The following FHIT variants were observed in gnomAD, a reference collection of about 807,000 sequenced individuals.
FHIT encodes the protein fragile histidine triad diadenosine triphosphatase, also known as bis(5'-adenosyl)-triphosphatase.
A neutral mutation model predicts 17.9 loss-of-function variants in FHIT; 19 were observed. The ratio of observed to expected loss-of-function variants is 1.06; its 90% CI spans 0.74 to 1.56. The LOEUF (loss-of-function observed/expected upper bound fraction) is 1.56. Among genes scored for constraint, FHIT ranks in the 40% most tolerant of loss-of-function variants. The pLI is 0.00. For synonymous variants in FHIT, 81 were observed against 69.7 expected, an observed-to-expected ratio of 1.16 and a Z score of -0.81; for missense variants, 248 against 189.2, an observed-to-expected ratio of 1.31 and a Z score of -1.82.
chr3:61,200,624 G>A lies in FHIT; in HGVS notation c.-171C>T, dbSNP rs1006157752. The A allele has an allele frequency of 1.3e-5, 2 of 152,666 alleles. No individual in the cohort carries two copies. The highest frequency in any genetic ancestry group is 1.5e-5 in the Non-Finnish European group (1 of 68,046). 9.5% of individuals were successfully genotyped at this position (152,666 alleles called of 1,614,324 possible). On this transcript the variant is annotated 5_prime_UTR_variant, in exon 2 of 10. Transcript: ENST00000492590. Reference sequence around the variant, plus strand: ...TGTAATAAATACACTTACCTTTACAGACTGTTCTCAGTGGATTTCTCTTCT... The same window carrying A: ...TGTAATAAATACACTTACCTTTACAAACTGTTCTCAGTGGATTTCTCTTCT...
chr3:60,090,232 C>T (rs1703672432), intron 5 of FHIT, among the ~76,000 whole-genome samples: 1 of 152,054 alleles, frequency 6.6e-6, no homozygotes. Flanking sequence ...AAAGAGACTG[C>T]ATGGTTTCCC....
At chr3:60,234,979 A>G (rs1704693004) in intron 5 of FHIT, among the ~76,000 whole-genome samples, 1 of 152,152 alleles carries the variant, frequency 6.6e-6, no homozygotes, top group Non-Finnish European at 1.5e-5. Flanking sequence ...GTACAAATTT[A>G]TCCTGGGGCT....
At chr3:60,630,879 A>C (rs372591395) in intron 4 of FHIT, among the ~76,000 whole-genome samples, 1 of 150,680 alleles carries the variant, frequency 6.6e-6, no homozygotes, top group East Asian at 2.0e-4. Context: ...AGGATTCTTT[A>C]ACCTTTTTTG....
intron 2 of FHIT, among the ~76,000 whole-genome samples, chr3:61,116,929 AT>A (rs765706930): frequency 1.3e-5 from 2 of 152,310 alleles, no homozygotes; most frequent in East Asian, 1.9e-4. Flanking sequence ...CAAATTGAAC[AT>A]TTTTGGTACA....
chr3:60,612,530 T>A lies in FHIT; in HGVS notation c.-17-75551A>T, dbSNP rs148342790. Among the ~76,000 whole-genome samples, 105 of 152,354 alleles carry A rather than the reference T, an allele frequency of 6.9e-4. No individual in the cohort carries two copies. The East Asian group carries it at 0.016, about 23-fold the overall frequency. On this transcript the variant is annotated intron_variant, in intron 4 of 9. Transcript: ENST00000492590. ...AGAGTATAAATATTTGGTTATTGGA[T>A]ACTTTTCAATTTAGGGGAAAAGGTA...
At chr3:59,773,060 G>A (rs560546456) in intron 8 of FHIT, among the ~76,000 whole-genome samples, 1 of 152,292 alleles carries the variant, frequency 6.6e-6, no homozygotes, top group South Asian at 2.1e-4. Flanking sequence ...TCCCTCCTCT[G>A]AATTTTTTTG....
intron 5 of FHIT, among the ~76,000 whole-genome samples, chr3:60,095,579 G>A (rs1703911475): frequency 6.6e-6 from 1 of 152,174 alleles, no homozygotes; most frequent in Non-Finnish European, 1.5e-5. Context: ...TCAGGAGAAA[G>A]GCTATTTGTT....
At chr3:61,104,288 C>T (rs2035927551) in intron 2 of FHIT, among the ~76,000 whole-genome samples, 1 of 152,126 alleles carries the variant, frequency 6.6e-6, no homozygotes, top group Non-Finnish European at 1.5e-5. Flanking sequence ...TCAGCATTTG[C>T]TTGTCTGAAA....
At chr3:59,931,255 C>T (rs1030314611) in intron 7 of FHIT, among the ~76,000 whole-genome samples, 1 of 152,134 alleles carries the variant, frequency 6.6e-6, no homozygotes, top group Non-Finnish European at 1.5e-5. Flanking sequence ...TGAATGTATT[C>T]TACTTCATCC....
At chr3:60,492,179 TACTAAA>T (rs929501107) in intron 5 of FHIT, among the ~76,000 whole-genome samples, 3 of 152,232 alleles carry the variant, frequency 2.0e-5, no homozygotes, top group African/African-American at 7.2e-5. Flanking sequence ...ACAGATTCTT[TACTAAA>T]ACTAAATTTT....
At chr3:60,797,800 T>G (rs1405953839) in intron 4 of FHIT, among the ~76,000 whole-genome samples, 3 of 151,738 alleles carry the variant, frequency 2.0e-5, no homozygotes, top group Non-Finnish European at 4.4e-5. Context: ...CCAGCTACAT[T>G]GAAATGTTTG....
intron 3 of FHIT, among the ~76,000 whole-genome samples, chr3:60,830,167 T>G (rs927804211): frequency 6.6e-6 from 1 of 152,166 alleles, no homozygotes; most frequent in African/African-American, 2.4e-5. Context: ...TTCATATCTC[T>G]GGGTATCTTC....
At chr3:59,996,836 C>G (rs935704097) in intron 7 of FHIT, among the ~76,000 whole-genome samples, 2 of 152,050 alleles carry the variant, frequency 1.3e-5, no homozygotes, top group African/African-American at 4.8e-5. Context: ...TATTGCTGAC[C>G]AGATGGTCCT....
chr3:60,437,848 G>A (rs1023343606), intron 5 of FHIT, among the ~76,000 whole-genome samples: 1 of 151,984 alleles, frequency 6.6e-6, no homozygotes. Flanking sequence ...CATACTTTAA[G>A]ATATTCTCTA....
chr3:59,776,793 G>C (rs998448399), intron 8 of FHIT, among the ~76,000 whole-genome samples: 1 of 152,172 alleles, frequency 6.6e-6, no homozygotes, highest in Non-Finnish European at 1.5e-5. Context: ...TTTCACAACA[G>C]CCCTTTGTGG....
rs886801242 is a variant in FHIT, at chr3:61,244,279, G to A, written c.-213+7022C>T. On this transcript the variant is annotated intron_variant, in intron 1 of 9. Coordinates refer to ENST00000492590, the MANE Select transcript of FHIT (RefSeq NM_002012.4). ...GTGATTCTAACTTACAGCCAAGCCT[G>A]AGAGCCACTAGTTGGAAAGCAATCC... 3.9e-5 allele frequency: 6 copies of A among 152,306 alleles called. No individual in the cohort carries two copies. The East Asian group carries it at 1.2e-3, about 29-fold the overall frequency. 9.4% of individuals were successfully genotyped at this position (152,306 alleles called of 1,614,324 possible). A position where few individuals can be genotyped will look rare whatever the true frequency, so the allele number is the denominator to read the frequency against.
chr3:61,044,342 G>T (rs1484448969), intron 2 of FHIT, among the ~76,000 whole-genome samples: 1 of 152,164 alleles, frequency 6.6e-6, no homozygotes, highest in African/African-American at 2.4e-5. Context: ...ACATGCACAA[G>T]TTTCGGTAGC....
At chr3:60,782,235 G>GTATATATATATATATATATATATATATA (rs879948599) in intron 4 of FHIT, among the ~76,000 whole-genome samples, 21 of 76,180 alleles carry the variant, frequency 2.8e-4, no homozygotes, top group Non-Finnish European at 3.1e-4. Flanking sequence ...GTGTGTGTGT[G>GTATATATATATATATATATATATATATA]TGTATATATA....
chr3:60,233,055 A>G (rs1704583613), intron 5 of FHIT, among the ~76,000 whole-genome samples: 1 of 152,184 alleles, frequency 6.6e-6, no homozygotes, highest in African/African-American at 2.4e-5. Flanking sequence ...GCAGCTGGAG[A>G]GAAGGGATAG....
Sources: gnomAD v4.1 joint callset for allele counts (sites outside exome capture counted in the v4.1 genomes callset) on GRCh38, gnomAD v4.1.1 for gene constraint, MANE v1.5 for transcripts, NCBI Gene and HGNC (gene_info 2026-07-23, HGNC 2026-07-21) for gene names.